Variants in RBM17 observed in about 807,000 individuals in gnomAD.
RBM17 encodes the protein splicing factor 45.
Under a neutral mutation model 53.2 loss-of-function variants are expected in RBM17, and 7 were observed. The ratio of observed to expected loss-of-function variants is 0.13; its 90% CI spans 0.07 to 0.25. The LOEUF is 0.25. RBM17 is among the 10% of genes least tolerant of loss of function. RBM17 has a pLI of 1.00. For missense variants in RBM17, 257 were observed against 496.7 expected, an observed-to-expected ratio of 0.52 and a Z score of 4.59; for synonymous variants, 167 against 178.1, an observed-to-expected ratio of 0.94 and a Z score of 0.50.
Position 6,112,394 on chromosome 10 carries a change from A to C in RBM17, c.856+33A>C. 1 of 1,612,430 alleles carries C rather than the reference A, an allele frequency of 6.2e-7. No homozygotes were observed. Among genetic ancestry groups the C allele is most frequent in the Non-Finnish European group, 8.5e-7 (1 of 1,179,218 alleles). ...CCCAGGGAAGCGTGTGACTAGAGGG[A>C]AAGGACTGGCCCCATCCATATCAGA... On this transcript the variant is annotated intron_variant, in intron 8 of 11. Coordinates refer to ENST00000379888, the MANE Select transcript of RBM17 (RefSeq NM_032905.5). This position sits in a 1 kb window ranked among gnomAD's most constrained non-coding sequence, Gnocchi z 4.4.
Position 6,104,935 on chromosome 10 carries a change from C to G in RBM17, c.245C>G (p.Pro82Arg). 1 of 1,613,536 alleles carries G rather than the reference C, an allele frequency of 6.2e-7. No individual in the cohort carries two copies. The highest frequency in any genetic ancestry group is 1.1e-5 in the South Asian group (1 of 91,024). ...PPHVAAGLKD[P>R]VPSGFSAGEV... is the part of the protein sequence containing the mutation. ...TGCTGTTTTTACCTTCCTCAGGATCCTGTTCCCAGTGGGTTTTCTGCAGGG... is the reference window on the plus strand; with the variant it reads ...TGCTGTTTTTACCTTCCTCAGGATCGTGTTCCCAGTGGGTTTTCTGCAGGG... Residue 82 changes from proline (P) to arginine (R), a missense_variant, in exon 4 of 12, where the codon CCT becomes CGT. Pro to Arg is a moderately radical substitution (Grantham distance 103). Coordinates refer to ENST00000379888, the MANE Select transcript of RBM17 (RefSeq NM_032905.5).
chr10:6,113,635 C>A, intron 9 of RBM17, 54 bp downstream of exon 9: 2 of 1,121,884 alleles, frequency 1.8e-6, no homozygotes, highest in Non-Finnish European at 2.7e-6. Flanking sequence ...TGTGTGTCAC[C>A]CCAGCCTACC....
chr10:6,101,607 A>G (rs1186786251), intron 3 of RBM17, among the ~76,000 whole-genome samples: 10 of 152,262 alleles, frequency 6.6e-5, no homozygotes, highest in Non-Finnish European at 1.5e-4. Context: ...AGAGATACGC[A>G]GAAAGAAAAA....
chr10:6,108,645 A>G (rs1840790957), intron 5 of RBM17, 41 bp from the exon 6 acceptor site: 11 of 1,565,424 alleles, frequency 7.0e-6, no homozygotes, highest in Non-Finnish European at 9.7e-6. Flanking sequence ...GGAGTCTGGC[A>G]TCGGAAACCT....
chr10:6,109,764 T>C (rs1323531995), intron 6 of RBM17, among the ~76,000 whole-genome samples: 1 of 152,130 alleles, frequency 6.6e-6, no homozygotes, highest in African/African-American at 2.4e-5. Flanking sequence ...TTTGAGGAGA[T>C]AGAAATAGCA....
At chr10:6,095,999 G>A (rs1840567508) in intron 1 of RBM17, among the ~76,000 whole-genome samples, 2 of 152,262 alleles carry the variant, frequency 1.3e-5, no homozygotes, top group South Asian at 4.1e-4. Flanking sequence ...GGTTTCCATG[G>A]GAAAATGCTT....
At chr10:6,092,730 G>A (rs912735277) in intron 1 of RBM17, among the ~76,000 whole-genome samples, 5 of 152,240 alleles carry the variant, frequency 3.3e-5, no homozygotes, top group African/African-American at 9.6e-5. Context: ...AACGAAGAAA[G>A]CACTTTTGCA....
chr10:6,115,263 G>A lies in RBM17; in HGVS notation c.1054G>A (p.Ala352Thr), dbSNP rs770542588. ...GATTCCTGGTGCCCCTGATGATGAA[G>A]CAGTACGGATATTTTTAGAATTTGA... is the stretch of plus-strand genomic sequence containing the variant. Reference protein sequence around the residue: ...FEIPGAPDDEAVRIFLEFERV... With the variant: ...FEIPGAPDDETVRIFLEFERV... The change falls in exon 11 of 12, where the codon GCA (alanine) becomes ACA (threonine). Residue 352 changes from alanine to threonine, a missense_variant. Physicochemically the swap from Ala to Thr is moderately conservative, Grantham distance 58 (BLOSUM62 0). Transcript: ENST00000379888. 1 of 1,613,702 alleles carries A rather than the reference G, an allele frequency of 6.2e-7. No homozygotes were observed. The highest frequency in any genetic ancestry group is 8.5e-7 in the Non-Finnish European group (1 of 1,179,854).
At chr10:6,110,698 C>A (rs577803177) in intron 7 of RBM17, among the ~76,000 whole-genome samples, 1 of 152,216 alleles carries the variant, frequency 6.6e-6, no homozygotes, top group African/African-American at 2.4e-5. Flanking sequence ...GACTTTGATC[C>A]TGTGAGACGG....
At chr10:6,095,370 G>A (rs1305842324) in intron 1 of RBM17, among the ~76,000 whole-genome samples, 7 of 152,088 alleles carry the variant, frequency 4.6e-5, no homozygotes, top group South Asian at 2.1e-4. Flanking sequence ...CCACCACCAC[G>A]CCCAGCTAAT....
intron 3 of RBM17, 36 bp from the exon 4 acceptor site, chr10:6,104,895 A>G (rs747537313): frequency 6.3e-7 from 1 of 1,588,664 alleles, no homozygotes. Flanking sequence ...GGTAAGATAT[A>G]AAGAGGATTC....
intron 5 of RBM17, among the ~76,000 whole-genome samples, chr10:6,107,085 A>G (rs966370012): frequency 6.6e-6 from 1 of 152,212 alleles, no homozygotes; most frequent in African/African-American, 2.4e-5. Context: ...TCAGGTTCAT[A>G]TTTCTCCTTG....
At chr10:6,108,795 C>A in intron 6 of RBM17, 53 bp downstream of exon 6, 1 of 1,412,316 alleles carries the variant, frequency 7.1e-7, no homozygotes, top group Non-Finnish European at 9.9e-7. Context: ...TTTAACCCAA[C>A]CATGGGGGAT....
chr10:6,113,634 C>T (rs1351260509), intron 9 of RBM17, 53 bp downstream of exon 9: 13 of 1,119,498 alleles, frequency 1.2e-5, no homozygotes, highest in Non-Finnish European at 4.1e-6. Context: ...GTGTGTGTCA[C>T]CCCAGCCTAC....
At chr10:6,114,011 T>A (rs754299552) in intron 9 of RBM17, 38 bp from the exon 10 acceptor site, 2 of 1,346,286 alleles carry the variant, frequency 1.5e-6, no homozygotes, top group African/African-American at 2.9e-5. Flanking sequence ...TTGTAAGTTA[T>A]ACTTGGTACT....
intron 4 of RBM17, 44 bp from the exon 5 acceptor site, chr10:6,106,097 A>G: frequency 7.2e-7 from 1 of 1,397,086 alleles, no homozygotes. Context: ...AGGTCTCTAA[A>G]TTGGTTCATC....
chr10:6,113,915 T>A, intron 9 of RBM17, 134 bp from the exon 10 acceptor site: 1 of 639,216 alleles, frequency 1.6e-6, no homozygotes. Context: ...TTTTGGGTAC[T>A]TTGGGGATGA....
In RBM17 at chr10:6,112,323, G is replaced by A. The variant is rs1244464792; in HGVS notation, c.818G>A (p.Arg273His). The change falls in exon 8 of 12, where the codon CGT (arginine) becomes CAT (histidine). Residue 273 changes from arginine (R) to histidine (H), a missense_variant. Coordinates refer to ENST00000379888, the MANE Select transcript of RBM17 (RefSeq NM_032905.5). The surrounding 1 kb of genome is among the most constrained non-coding windows in gnomAD (Gnocchi z 4.4). ...TALSVEKTSK[R>H]GGKIIVGDAT... ...TTGTCAGTGGAGAAGACCAGCAAGC[G>A]TGGCGGCAAGATCATCGTGGGCGAC... is the stretch of plus-strand genomic sequence containing the variant. 4 of 1,613,882 alleles carry A rather than the reference G, an allele frequency of 2.5e-6. No homozygotes were observed. The highest frequency in any genetic ancestry group is 1.3e-5 in the African/African-American group (1 of 74,906).
intron 1 of RBM17, among the ~76,000 whole-genome samples, chr10:6,096,471 A>G (rs77297448): frequency 0.012 from 1,898 of 152,316 alleles, 34 homozygotes; most frequent in African/African-American, 0.039. Flanking sequence ...TGTAATCACT[A>G]TCATTAAAGA....
Sources: allele counts gnomAD v4.1 joint callset (sites outside exome capture counted in the v4.1 genomes callset), GRCh38; gene constraint gnomAD v4.1.1; non-coding constraint Gnocchi (gnomAD v3.1); transcripts MANE v1.5; gene names NCBI Gene and HGNC (gene_info 2026-07-23, HGNC 2026-07-21).